The following RAB4B variants were observed in gnomAD, a reference collection of about 807,000 sequenced individuals.
RAB4B encodes RAB4B, member RAS oncogene family.
RAB4B carries 15 observed loss-of-function variants against 28.3 expected under a neutral mutation model. The ratio of observed to expected loss-of-function variants is 0.53; its 90% CI spans 0.35 to 0.82. RAB4B has a LOEUF of 0.82. RAB4B is among the 40% of genes least tolerant of loss of function. The probability of loss-of-function intolerance (pLI) is 0.01; values close to 1 mark genes in which losing one functional copy is unlikely to be tolerated. For synonymous variants in RAB4B, 108 were observed against 116.3 expected (o/e 0.93, Z 0.46); for missense variants, 244 against 288.5 (o/e 0.85, Z 1.12).
chr19:40,779,791 T>C, intron 1 of RAB4B: 2 of 1,165,398 alleles, frequency 1.7e-6, no homozygotes, highest in Non-Finnish European at 2.3e-6. Flanking sequence ...ATGTACTCCC[T>C]GAATCTAAAA....
At chr19:40,795,355 C>T (rs1166875828) in intron 7 of RAB4B, among the ~76,000 whole-genome samples, 1 of 150,258 alleles carries the variant, frequency 6.7e-6, no homozygotes, top group Non-Finnish European at 1.5e-5. Context: ...CAGAAAGATA[C>T]AAAGGCAGGT....
chr19:40,789,187 C>T (rs936842052), intron 7 of RAB4B, among the ~76,000 whole-genome samples: 8 of 151,756 alleles, frequency 5.3e-5, no homozygotes, highest in African/African-American at 1.9e-4. Context: ...TGAGCCACTG[C>T]GCCCGGCCAA....
intron 7 of RAB4B, 23 bp downstream of exon 7, chr19:40,787,001 G>A (rs374781240): frequency 1.9e-6 from 3 of 1,598,586 alleles, no homozygotes; most frequent in Non-Finnish European, 2.6e-6. Flanking sequence ...GGGCTTTAGG[G>A]AGGCAGGGCG....
intron 5 of RAB4B, among the ~76,000 whole-genome samples, chr19:40,784,690 G>GC: frequency 6.6e-6 from 1 of 152,252 alleles, no homozygotes; most frequent in Admixed American, 6.5e-5. Flanking sequence ...ATTAATGTTG[G>GC]CCGCTAAGGT....
chr19:40,788,784 CTTTTTTT>C (rs1173685187), intron 7 of RAB4B, among the ~76,000 whole-genome samples: 29 of 84,228 alleles, frequency 3.4e-4, no homozygotes, highest in Non-Finnish European at 4.6e-4. Context: ...GACAGGGTTT[CTTTTTTT>C]TTTTTTTTTT....
chr19:40,789,242 G>T (rs1396058398), intron 7 of RAB4B, among the ~76,000 whole-genome samples: 9 of 151,158 alleles, frequency 6.0e-5, no homozygotes, highest in Non-Finnish European at 1.3e-4. Flanking sequence ...CACTCTTGTT[G>T]CCCAGGCTGG....
intron 1 of RAB4B, chr19:40,779,472 G>A (rs3875144): frequency 0.2 from 31,631 of 159,792 alleles, 3,523 homozygotes; most frequent in African/African-American, 0.32. Flanking sequence ...GGCTGGGCGC[G>A]GTGGCTCATG....
Position 40,778,258 on chromosome 19 carries a change from T to G in RAB4B, c.-118T>G. On this transcript the variant is annotated 5_prime_UTR_variant, in exon 1 of 8. Transcript: ENST00000357052. ...AGGGGGGCGGAGGCGGAAGTGGCGG[T>G]GCCGGGCCCGGGGAGTAGGAAGGAG... 1 of 966,798 alleles carries G rather than the reference T, an allele frequency of 1.0e-6. No individual in the cohort carries two copies. The highest frequency in any genetic ancestry group is 1.5e-6 in the Non-Finnish European group (1 of 689,426). 59.9% of individuals were successfully genotyped at this position (966,798 alleles called of 1,614,324 possible).
chr19:40,791,646 G>C (rs987071747), intron 7 of RAB4B, among the ~76,000 whole-genome samples: 1 of 150,210 alleles, frequency 6.7e-6, no homozygotes, highest in Non-Finnish European at 1.5e-5. Context: ...CCAAACTTTT[G>C]TTTTTTTTTG....
At chr19:40,789,465 G>GTGCTGGGA (rs1206980739) in intron 7 of RAB4B, among the ~76,000 whole-genome samples, 2 of 149,710 alleles carry the variant, frequency 1.3e-5, no homozygotes, top group African/African-American at 5.0e-5. Context: ...GCCTCCCAAA[G>GTGCTGGGA]TGCTGGGATT....
chr19:40,788,194 G>A (rs2083120925), intron 7 of RAB4B, among the ~76,000 whole-genome samples: 1 of 151,984 alleles, frequency 6.6e-6, no homozygotes. Flanking sequence ...GGAGACAGGT[G>A]ATAAACAAGA....
chr19:40,779,863 A>T (rs1440619002), intron 1 of RAB4B, 156 bp from the exon 2 acceptor site: 2 of 1,498,516 alleles, frequency 1.3e-6, no homozygotes, highest in African/African-American at 2.8e-5. Context: ...CATAAGAGTT[A>T]TCTGTTACTG....
At chr19:40,789,651 G>A (rs1208204677) in intron 7 of RAB4B, among the ~76,000 whole-genome samples, 2 of 151,874 alleles carry the variant, frequency 1.3e-5, no homozygotes, top group Non-Finnish European at 2.9e-5. Flanking sequence ...CTATAGGTGC[G>A]TGCCACCATG....
At chr19:40,786,240 TG>T in intron 5 of RAB4B, 1 of 248,244 alleles carries the variant, frequency 4.0e-6, no homozygotes, top group African/African-American at 2.9e-5. Context: ...AGGGGTGGAA[TG>T]GGGCAGGTCC....
Position 40,794,725 on chromosome 19 carries a change from T to C in RAB4B, c.*16-1845T>C, listed in dbSNP as rs1458293372. 9.9e-5 allele frequency: 15 copies of C among 150,794 alleles called. 1 individual carries two copies. Among genetic ancestry groups the C allele is most frequent in the Admixed American group, 9.9e-4 (15 of 15,110 alleles). 9.3% of individuals were successfully genotyped at this position (150,794 alleles called of 1,614,324 possible). A position where few individuals can be genotyped will look rare whatever the true frequency, so the allele number is the denominator to read the frequency against. ...CCTCACCCTAGAGATTCTGAAGTGG[T>C]TTCAGGACTTTTTCTTAATTAAAAG... On this transcript the variant is annotated intron_variant, in intron 7 of 7. Coordinates refer to ENST00000357052, the MANE Select transcript of RAB4B (RefSeq NM_016154.5).
At chr19:40,795,092 G>C (rs1306626214) in intron 7 of RAB4B, among the ~76,000 whole-genome samples, 4 of 148,276 alleles carry the variant, frequency 2.7e-5, no homozygotes, top group East Asian at 2.0e-4. Context: ...TGGCGTGAAC[G>C]CAGGAGGCGG....
At position 40,778,329 on chromosome 19, in the gene RAB4B, C is replaced by T; in HGVS notation, c.-47C>T. The T allele has an allele frequency of 6.7e-7, 1 of 1,484,754 alleles. No homozygotes were observed. 92.0% of individuals were successfully genotyped at this position (1,484,754 alleles called of 1,614,324 possible). A position where few individuals can be genotyped will look rare whatever the true frequency, so the allele number is the denominator to read the frequency against. ...GAGCGGCTGCCAGCCGAGGAGCAGG[C>T]GCGGCCGCGGCGCCATATTGCGGCC... On this transcript the variant is annotated 5_prime_UTR_variant, in exon 1 of 8. Transcript: ENST00000357052.
At chr19:40,788,481 TAAAAAAA>T (rs751428239) in intron 7 of RAB4B, among the ~76,000 whole-genome samples, 2 of 67,106 alleles carry the variant, frequency 3.0e-5, no homozygotes, top group African/African-American at 5.5e-5. Flanking sequence ...GCGAGACTCT[TAAAAAAA>T]AAAAAAAAAA....
chr19:40,792,313 C>T (rs1188583423), intron 7 of RAB4B: 4 of 152,238 alleles, frequency 2.6e-5, no homozygotes, highest in Non-Finnish European at 4.4e-5. Context: ...AGAAGAAATA[C>T]ATTAATTCAC....
Sources: allele counts gnomAD v4.1 joint callset (sites outside exome capture counted in the v4.1 genomes callset), GRCh38; gene constraint gnomAD v4.1.1; transcripts MANE v1.5; gene names NCBI Gene and HGNC (gene_info 2026-07-23, HGNC 2026-07-21).